Variants in KCNQ5 observed in about 807,000 individuals in gnomAD.
KCNQ5 encodes potassium voltage-gated channel subfamily KQT member 5.
KCNQ5 carries 30 observed loss-of-function variants against 98.2 expected under a neutral mutation model. The observed-to-expected ratio is 0.31, with a 90% CI of 0.23 to 0.41. The LOEUF is 0.41. KCNQ5 is among the 10% of genes least tolerant of loss of function. The probability of loss-of-function intolerance (pLI) is 1.00; values close to 1 mark genes in which losing one functional copy is unlikely to be tolerated. For missense variants in KCNQ5, 835 were observed against 1,182.5 expected (o/e 0.71, Z 4.31); for synonymous variants, 458 against 449.4 (o/e 1.02, Z -0.24).
intron 2 of KCNQ5, among the ~76,000 whole-genome samples, chr6:73,008,344 C>T (rs998613849): frequency 1.3e-5 from 2 of 152,076 alleles, no homozygotes; most frequent in African/African-American, 4.8e-5. Context: ...CATCATTCAA[C>T]TGTGTATATG....
chr6:73,059,064 T>C (rs1055271130), intron 3 of KCNQ5, among the ~76,000 whole-genome samples: 8 of 152,232 alleles, frequency 5.3e-5, no homozygotes, highest in Admixed American at 6.5e-5. Context: ...CACTATTGGG[T>C]TTATTCTCAA....
chr6:72,726,758 A>G (rs992589697), intron 1 of KCNQ5, among the ~76,000 whole-genome samples: 20 of 152,232 alleles, frequency 1.3e-4, no homozygotes, highest in African/African-American at 3.9e-4. Context: ...AAGGAAAGAA[A>G]GAACAGTGAG....
At chr6:72,978,496 ATGAG>A (rs1160756126) in intron 1 of KCNQ5, among the ~76,000 whole-genome samples, 1 of 152,200 alleles carries the variant, frequency 6.6e-6, no homozygotes, top group African/African-American at 2.4e-5. Context: ...TCCACACTGA[ATGAG>A]TATCTTCAAG....
At chr6:72,925,420 T>C (rs1389010160) in intron 1 of KCNQ5, among the ~76,000 whole-genome samples, 1 of 152,214 alleles carries the variant, frequency 6.6e-6, no homozygotes, top group African/African-American at 2.4e-5. Context: ...CTTGTAATAA[T>C]GTCCCTAAGA....
chr6:72,808,099 G>A (rs746371483), intron 1 of KCNQ5, among the ~76,000 whole-genome samples: 1 of 152,190 alleles, frequency 6.6e-6, no homozygotes, highest in Admixed American at 6.5e-5. Flanking sequence ...TTCACTAGGG[G>A]CAGGATGGGG....
intron 9 of KCNQ5, chr6:73,125,479 A>G (rs771999398): frequency 7.2e-5 from 37 of 517,440 alleles, no homozygotes; most frequent in Non-Finnish European, 1.3e-4. Flanking sequence ...TATCATTGTC[A>G]CTGTGTTTCC....
intron 1 of KCNQ5, among the ~76,000 whole-genome samples, chr6:72,698,379 T>C (rs1768612993): frequency 6.6e-6 from 1 of 151,974 alleles, no homozygotes; most frequent in Non-Finnish European, 1.5e-5. Context: ...AATTTTGTGT[T>C]TTGAGTAGAG....
chr6:73,081,841 T>A (rs1773785401), intron 5 of KCNQ5, among the ~76,000 whole-genome samples: 1 of 151,922 alleles, frequency 6.6e-6, no homozygotes, highest in African/African-American at 2.4e-5. Context: ...AAAAAAAAAA[T>A]CAAGAAAAGT....
chr6:73,024,374 A>AGAT (rs1177392423), intron 2 of KCNQ5, among the ~76,000 whole-genome samples: 14 of 42,962 alleles, frequency 3.3e-4, no homozygotes, highest in Middle Eastern at 9.4e-3. Context: ...ATAGATAGAT[A>AGAT]GATAGATGAT....
chr6:73,059,579 AATC>A (rs1325656092), intron 3 of KCNQ5, among the ~76,000 whole-genome samples: 2 of 152,188 alleles, frequency 1.3e-5, no homozygotes, highest in African/African-American at 4.8e-5. Context: ...TTTAAAAATA[AATC>A]ATAAAATAAA....
At chr6:73,129,309 GT>G (rs371200607) in intron 9 of KCNQ5, among the ~76,000 whole-genome samples, 70 of 75,202 alleles carry the variant, frequency 9.3e-4, no homozygotes, top group African/African-American at 3.3e-3. Flanking sequence ...CTTTTCTTCT[GT>G]TTTGTTGAAC....
At chr6:73,179,339 T>C (rs1278515164) in intron 11 of KCNQ5, among the ~76,000 whole-genome samples, 1 of 152,080 alleles carries the variant, frequency 6.6e-6, no homozygotes, top group Non-Finnish European at 1.5e-5. Flanking sequence ...AGAGTGAGCA[T>C]GCTAAGTGCT....
At chr6:73,141,884 CATACTT>C (rs1776728635) in intron 10 of KCNQ5, among the ~76,000 whole-genome samples, 1 of 152,200 alleles carries the variant, frequency 6.6e-6, no homozygotes, top group South Asian at 2.1e-4. Flanking sequence ...TGAAATAACA[CATACTT>C]ATAATCTCAC....
chr6:72,644,418 T>G (rs1429157159), intron 1 of KCNQ5, among the ~76,000 whole-genome samples: 1 of 152,208 alleles, frequency 6.6e-6, no homozygotes. Flanking sequence ...CCCTTCAGTC[T>G]GGTTCAGTGT....
At chr6:73,057,365 G>T (rs1023027910) in intron 3 of KCNQ5, among the ~76,000 whole-genome samples, 1 of 151,632 alleles carries the variant, frequency 6.6e-6, no homozygotes. Flanking sequence ...AGCATTAGGA[G>T]ATATACCTAA....
intron 1 of KCNQ5, among the ~76,000 whole-genome samples, chr6:72,828,040 G>A (rs1040674022): frequency 6.6e-6 from 1 of 152,024 alleles, no homozygotes; most frequent in Non-Finnish European, 1.5e-5. Flanking sequence ...GTTGGCTGTA[G>A]ATATGTGAAT....
intron 3 of KCNQ5, among the ~76,000 whole-genome samples, chr6:73,066,077 C>T (rs1582289104): frequency 6.6e-6 from 1 of 152,098 alleles, no homozygotes. Context: ...ACCCGAGAGG[C>T]GGAGGTTGCA....
chr6:72,951,036 C>G (rs1054623820), intron 1 of KCNQ5, among the ~76,000 whole-genome samples: 3 of 152,214 alleles, frequency 2.0e-5, no homozygotes, highest in African/African-American at 7.2e-5. Context: ...AGCCTGATTT[C>G]TAGTTCCTCC....
At chr6:72,789,303 C>T (rs1340363778) in intron 1 of KCNQ5, among the ~76,000 whole-genome samples, 1 of 152,074 alleles carries the variant, frequency 6.6e-6, no homozygotes, top group Admixed American at 6.6e-5. Flanking sequence ...ATCACAGGAG[C>T]CCGCCACCAC....
Sources: allele counts gnomAD v4.1 joint callset (sites outside exome capture counted in the v4.1 genomes callset), GRCh38; gene constraint gnomAD v4.1.1; transcripts MANE v1.5; gene names NCBI Gene and HGNC (gene_info 2026-07-23, HGNC 2026-07-21).